MSR1: variants seen among roughly 807,000 people sequenced by gnomAD.
MSR1 encodes macrophage scavenger receptor types I and II.
In MSR1, 53 loss-of-function variants were observed where a neutral mutation model predicts 47.2. The observed-to-expected ratio is 1.12, with a 90% CI of 0.90 to 1.41. The LOEUF is 1.41. Ranked by LOEUF, MSR1 falls within the 40% of genes most tolerant of loss-of-function variation. The probability of loss-of-function intolerance (pLI) is 0.00; values close to 1 mark genes in which losing one functional copy is unlikely to be tolerated. For synonymous variants in MSR1, 239 were observed against 185.6 expected (o/e 1.29, Z -2.34); for missense variants, 786 against 546.9 (o/e 1.44, Z -4.36).
Position 16,110,028 on chromosome 8 carries a change from G to C in MSR1, c.*57C>G. 1.9e-6 allele frequency: 3 copies of C among 1,594,776 alleles called. No individual in the cohort carries two copies. The highest frequency in any genetic ancestry group is 2.6e-6 in the Non-Finnish European group (3 of 1,164,228). ...GATTAAATGGATTTTACAGGAACAA[G>C]GTAATAAAATCATTTTTGAGCAGCG... On this transcript the variant is annotated 3_prime_UTR_variant, in exon 10 of 10. Coordinates refer to ENST00000262101, the MANE Select transcript of MSR1 (RefSeq NM_138715.3).
At chr8:16,122,239 A>T (rs1171157683) in intron 8 of MSR1, among the ~76,000 whole-genome samples, 11 of 152,174 alleles carry the variant, frequency 7.2e-5, no homozygotes, top group African/African-American at 2.7e-4. Flanking sequence ...TTCATTTACT[A>T]GTAAAATTCC....
rs910626304 is a variant in MSR1 at position 16,192,650 on chromosome 8, T to C, written c.-57A>G. ...TTTATCCACTTCTCTCTCTTTACAA[T>C]TGAAACCTAAAATCTTTATCTCATA... On this transcript the variant is annotated 5_prime_UTR_variant, in exon 1 of 10. Transcript: ENST00000262101. 4.6e-5 allele frequency: 7 copies of C among 152,092 alleles called. No individual in the cohort carries two copies. Among genetic ancestry groups the C allele is most frequent in the Non-Finnish European group, 7.4e-5 (5 of 68,016 alleles). 9.4% of individuals were successfully genotyped at this position (152,092 alleles called of 1,614,324 possible).
intron 1 of MSR1, among the ~76,000 whole-genome samples, chr8:16,180,249 C>A (rs938721999): frequency 6.6e-6 from 1 of 151,924 alleles, no homozygotes; most frequent in East Asian, 1.9e-4. Flanking sequence ...GTCCTTGTAC[C>A]TTTTCCAGCA....
intron 6 of MSR1, among the ~76,000 whole-genome samples, chr8:16,153,660 G>A (rs1335702031): frequency 1.3e-5 from 2 of 151,838 alleles, no homozygotes; most frequent in East Asian, 1.9e-4. Flanking sequence ...TACATTCACA[G>A]TTCAGAAACA....
rs1801612955 is a variant in MSR1, at chr8:16,175,301, C to G, written c.104-1G>C. On this transcript the variant is annotated splice_acceptor_variant, in intron 2 of 9. Transcript: ENST00000262101. LOFTEE classifies it high-confidence loss of function. The stretch of plus-strand genomic sequence containing the variant: ...TGAAGGGAAGGGCTGTTTTTAGGAT[C>G]TAATAAAACAAAAAAGCCCAGCCTA... The G allele has an allele frequency of 6.2e-7, 1 of 1,612,152 alleles. No individual in the cohort carries two copies. Among genetic ancestry groups the G allele is most frequent in the East Asian group, 2.2e-5 (1 of 44,832 alleles).
intron 8 of MSR1, chr8:16,141,071 T>C (rs1278429525): frequency 6.2e-7 from 1 of 1,610,742 alleles, no homozygotes. Context: ...AGGAGGAAAT[T>C]AATTATTTTT....
chr8:16,184,676 G>C (rs1007744980), intron 1 of MSR1, among the ~76,000 whole-genome samples: 1 of 152,146 alleles, frequency 6.6e-6, no homozygotes, highest in Non-Finnish European at 1.5e-5. Context: ...TTTGGCAGTA[G>C]TGACCTGGAT....
chr8:16,146,751 C>A lies in MSR1; in HGVS notation c.980-3140G>T, dbSNP rs1388760914. On this transcript the variant is annotated intron_variant, in intron 7 of 9. Transcript: ENST00000262101. ...GAACTACTTAAAGCTTTATGCTATG[C>A]CCCTTCTCTTTGTACCTTTCCACTC... Among the ~76,000 whole-genome samples, 2 of 152,078 alleles carry A rather than the reference C, an allele frequency of 1.3e-5. 1 individual carries two copies. Among genetic ancestry groups the A allele is most frequent in the South Asian group, 4.1e-4 (2 of 4,822 alleles).
At chr8:16,187,360 T>G (rs1802032213) in intron 1 of MSR1, among the ~76,000 whole-genome samples, 1 of 49,516 alleles carries the variant, frequency 2.0e-5, no homozygotes, top group Non-Finnish European at 3.3e-5. Flanking sequence ...TAAAACTCTG[T>G]CTCCAAAAAA....
intron 8 of MSR1, among the ~76,000 whole-genome samples, chr8:16,126,054 T>G (rs1800121081): frequency 2.0e-5 from 3 of 152,156 alleles, no homozygotes; most frequent in Non-Finnish European, 4.4e-5. Flanking sequence ...TTTCTTTTCT[T>G]TATTTTTGAA....
At chr8:16,128,919 T>C (rs1668498977) in intron 8 of MSR1, among the ~76,000 whole-genome samples, 1 of 152,152 alleles carries the variant, frequency 6.6e-6, no homozygotes, top group African/African-American at 2.4e-5. Flanking sequence ...ACTCTGTGAT[T>C]GATAAAGCAC....
intron 8 of MSR1, chr8:16,141,050 CA>C: frequency 6.2e-7 from 1 of 1,613,034 alleles, no homozygotes; most frequent in Non-Finnish European, 8.5e-7. Flanking sequence ...CTGGTCCTGA[CA>C]CATATATAAA....
chr8:16,189,851 CT>C (rs1487016079), intron 1 of MSR1, among the ~76,000 whole-genome samples: 3 of 142,794 alleles, frequency 2.1e-5, no homozygotes, highest in African/African-American at 5.2e-5. Context: ...TTCTTTTAAA[CT>C]TTTTTTCCTT....
intron 4 of MSR1, among the ~76,000 whole-genome samples, chr8:16,164,921 T>C (rs994132993): frequency 6.6e-6 from 1 of 152,068 alleles, no homozygotes; most frequent in African/African-American, 2.4e-5. Context: ...GAATATGCTT[T>C]TATATTTTAC....
intron 4 of MSR1, among the ~76,000 whole-genome samples, chr8:16,166,110 G>C (rs182507361): frequency 1.3e-5 from 2 of 150,612 alleles, no homozygotes; most frequent in African/African-American, 4.9e-5. Context: ...TCCTAGAAAC[G>C]AGGAATCATC....
intron 4 of MSR1, among the ~76,000 whole-genome samples, chr8:16,166,750 T>C (rs890646853): frequency 1.1e-4 from 16 of 152,154 alleles, no homozygotes; most frequent in African/African-American, 3.9e-4. Context: ...AAATTAATTT[T>C]TGGTGTGTCC....
intron 8 of MSR1, among the ~76,000 whole-genome samples, chr8:16,130,977 A>G (rs973403677): frequency 6.6e-5 from 10 of 152,034 alleles, no homozygotes; most frequent in Non-Finnish European, 7.4e-5. Flanking sequence ...AACGATTTGT[A>G]TTCTTCGGGT....
intron 9 of MSR1, 100 bp downstream of exon 9, chr8:16,120,318 A>G (rs983775643): frequency 4.8e-6 from 6 of 1,237,152 alleles, no homozygotes; most frequent in Non-Finnish European, 4.7e-6. Context: ...CAGAGGTTGC[A>G]GTGAGCCGAG....
At chr8:16,177,296 G>A (rs1033713635) in intron 2 of MSR1, among the ~76,000 whole-genome samples, 3 of 152,192 alleles carry the variant, frequency 2.0e-5, no homozygotes, top group Non-Finnish European at 4.4e-5. Flanking sequence ...TCTAATGACT[G>A]ATGTCTTTGT....
Sources: gnomAD v4.1 joint callset for allele counts (sites outside exome capture counted in the v4.1 genomes callset) on GRCh38, gnomAD v4.1.1 for gene constraint, MANE v1.5 for transcripts, NCBI Gene and HGNC (gene_info 2026-07-23, HGNC 2026-07-21) for gene names.